The following CNTLN variants were observed in gnomAD, a reference collection of about 807,000 sequenced individuals.
The protein encoded by CNTLN is centlein, centrosomal protein.
A neutral mutation model predicts 180.0 loss-of-function variants in CNTLN; 212 were observed. That is an observed-to-expected ratio of 1.18 (90% CI 1.05 to 1.32). The LOEUF (loss-of-function observed/expected upper bound fraction) is 1.32. Among genes scored for constraint, CNTLN ranks in the 40% most tolerant of loss-of-function variants. The pLI is 0.00. For synonymous variants in CNTLN, 722 were observed against 563.1 expected, an observed-to-expected ratio of 1.28 and a Z score of -3.99; for missense variants, 2,095 against 1,610.9, an observed-to-expected ratio of 1.30 and a Z score of -5.14.
chr9:17,158,382 G>C (rs1819447815), intron 2 of CNTLN, among the ~76,000 whole-genome samples: 3 of 151,862 alleles, frequency 2.0e-5, no homozygotes, highest in Admixed American at 6.6e-5. Flanking sequence ...TTTTATATGA[G>C]GATAATAGCC....
intron 19 of CNTLN, among the ~76,000 whole-genome samples, chr9:17,459,895 G>A (rs1022330869): frequency 6.6e-6 from 1 of 151,660 alleles, no homozygotes; most frequent in African/African-American, 2.4e-5. Context: ...CTAAAGTACT[G>A]AGGGTTCGGT....
At chr9:17,349,833 T>C (rs1199383929) in intron 12 of CNTLN, among the ~76,000 whole-genome samples, 1 of 152,198 alleles carries the variant, frequency 6.6e-6, no homozygotes, top group Non-Finnish European at 1.5e-5. Flanking sequence ...TCATTCAATA[T>C]TTTAACAATA....
At chr9:17,419,426 C>T (rs1442512) in intron 18 of CNTLN, among the ~76,000 whole-genome samples, 130,663 of 152,088 alleles carry the variant, frequency 0.86, 57,420 homozygotes, top group Non-Finnish European at 0.97. Context: ...TGTAAAGATA[C>T]GAGTAAAAAA....
intron 2 of CNTLN, among the ~76,000 whole-genome samples, chr9:17,149,512 C>CTTTTTTTTTTT (rs55691769): frequency 3.8e-5 from 4 of 106,144 alleles, no homozygotes; most frequent in African/African-American, 1.5e-4. Flanking sequence ...TTCTTTCTTT[C>CTTTTTTTTTTT]TTTTTTTTTT....
At chr9:17,152,740 G>C (rs1818978330) in intron 2 of CNTLN, among the ~76,000 whole-genome samples, 1 of 152,138 alleles carries the variant, frequency 6.6e-6, no homozygotes, top group Non-Finnish European at 1.5e-5. Flanking sequence ...TCATTGATCT[G>C]TCTGATATTG....
intron 23 of CNTLN, among the ~76,000 whole-genome samples, chr9:17,478,483 C>T (rs1032805455): frequency 1.3e-5 from 2 of 151,650 alleles, no homozygotes; most frequent in Non-Finnish European, 2.9e-5. Context: ...TTGTCCAGAC[C>T]AGTGTCATAG....
rs1473798193 is a variant in CNTLN at position 17,198,402 on chromosome 9, T to G, written c.450-27801T>G. 4.0e-5 allele frequency among the ~76,000 whole-genome samples: 6 copies of G among 150,032 alleles called. No individual in the cohort carries two copies. In the East Asian group the frequency reaches 9.7e-4, roughly 24 times the overall value. ...CTTTTCTTTCTTTTTTTTTTTTTTTTTGTATTTTTCTTCAGTTTCTTTAAT... is the reference window on the plus strand; with the variant it reads ...CTTTTCTTTCTTTTTTTTTTTTTTTGTGTATTTTTCTTCAGTTTCTTTAAT... On this transcript the variant is annotated intron_variant, in intron 2 of 25. Transcript: ENST00000380647.
chr9:17,459,437 T>A (rs1564125025), intron 19 of CNTLN, among the ~76,000 whole-genome samples: 1 of 151,862 alleles, frequency 6.6e-6, no homozygotes, highest in Non-Finnish European at 1.5e-5. Flanking sequence ...CTGACCAAAC[T>A]GTATAGGGAC....
In CNTLN at chr9:17,480,526, C is replaced by T. The variant is rs144568836; in HGVS notation, c.3856-3769C>T. Among the ~76,000 whole-genome samples the T allele has an allele frequency of 5.9e-5, 9 of 152,248 alleles. No individual in the cohort carries two copies. The East Asian group carries it at 1.7e-3, about 29-fold the overall frequency. On this transcript the variant is annotated intron_variant, in intron 23 of 25. Coordinates refer to ENST00000380647, the MANE Select transcript of CNTLN (RefSeq NM_017738.4). ...TGCAGTATATTTAGTATGTACTATA[C>T]TCAGAAATCAATAATTCAAGTAGAG...
intron 2 of CNTLN, among the ~76,000 whole-genome samples, chr9:17,194,949 A>G (rs1027923440): frequency 6.6e-6 from 1 of 152,160 alleles, no homozygotes; most frequent in Non-Finnish European, 1.5e-5. Context: ...TGATAAAACC[A>G]TCAGATCTCG....
chr9:17,354,244 C>T (rs930872882), intron 12 of CNTLN, among the ~76,000 whole-genome samples: 1 of 152,136 alleles, frequency 6.6e-6, no homozygotes, highest in South Asian at 2.1e-4. Flanking sequence ...CTGTGCAGCC[C>T]GAGCCTCCCC....
intron 7 of CNTLN, 68 bp downstream of exon 7, chr9:17,298,420 A>G: frequency 1.5e-6 from 2 of 1,331,262 alleles, no homozygotes; most frequent in African/African-American, 1.5e-5. Context: ...TATAGAATTC[A>G]GATTTTTTCA....
rs192391583 is a variant in CNTLN, at chr9:17,255,026, T to C, written c.849+18438T>C. On this transcript the variant is annotated intron_variant, in intron 5 of 25. Transcript: ENST00000380647. ...CCCTTGGCTAGATTTATTTCTAGTA[T>C]TTTTTTCAGTTGTAAATGGAATTGT... is the stretch of plus-strand genomic sequence containing the variant. Among the ~76,000 whole-genome samples the C allele has an allele frequency of 5.1e-3, 768 of 151,926 alleles. 5 individuals carry two copies. The highest frequency in any genetic ancestry group is 7.9e-3 in the Admixed American group (120 of 15,218).
rs143263404 is a variant in CNTLN at position 17,164,592 on chromosome 9, G to A, written c.449+21216G>A. Among the ~76,000 whole-genome samples, 605 of 149,202 alleles carry A rather than the reference G, an allele frequency of 4.1e-3. 2 individuals carry two copies. Among genetic ancestry groups the A allele is most frequent in the African/African-American group, 0.013 (528 of 40,752 alleles). ...CTCCCGAGTAGCTGGGATTACAGGC[G>A]TGCTCCACAACAGCCAGCTAATTTT... On this transcript the variant is annotated intron_variant, in intron 2 of 25. Transcript: ENST00000380647.
intron 18 of CNTLN, among the ~76,000 whole-genome samples, chr9:17,441,729 C>G (rs1830120864): frequency 6.6e-6 from 1 of 151,906 alleles, no homozygotes; most frequent in Non-Finnish European, 1.5e-5. Context: ...AAATGGATTA[C>G]ATTCCCCAGT....
intron 5 of CNTLN, among the ~76,000 whole-genome samples, chr9:17,253,334 T>C (rs528068703): frequency 1.3e-5 from 2 of 151,830 alleles, no homozygotes; most frequent in South Asian, 4.2e-4. Flanking sequence ...AGAGATTGCA[T>C]TGAATCTAGA....
chr9:17,397,992 A>G (rs1171145346), intron 15 of CNTLN, among the ~76,000 whole-genome samples: 1 of 152,084 alleles, frequency 6.6e-6, no homozygotes, highest in Non-Finnish European at 1.5e-5. Context: ...AGACAAAAAT[A>G]TAAGAGTTAC....
chr9:17,355,051 G>A (rs1424616973), intron 12 of CNTLN, among the ~76,000 whole-genome samples: 3 of 151,998 alleles, frequency 2.0e-5, no homozygotes, highest in African/African-American at 7.2e-5. Context: ...AAGAAACTCG[G>A]AACACATCTG....
At chr9:17,173,207 A>G (rs1407767774) in intron 2 of CNTLN, among the ~76,000 whole-genome samples, 2 of 152,158 alleles carry the variant, frequency 1.3e-5, no homozygotes, top group African/African-American at 4.8e-5. Flanking sequence ...TAATATTTGT[A>G]TATTACTTTA....
Sources: allele counts gnomAD v4.1 joint callset (sites outside exome capture counted in the v4.1 genomes callset), GRCh38; gene constraint gnomAD v4.1.1; transcripts MANE v1.5; gene names NCBI Gene and HGNC (gene_info 2026-07-23, HGNC 2026-07-21).